SGCZ: variants seen among roughly 807,000 people sequenced by gnomAD.
SGCZ encodes the protein sarcoglycan zeta.
Under a neutral mutation model 41.3 loss-of-function variants are expected in SGCZ, and 40 were observed. The ratio of observed to expected loss-of-function variants is 0.97; its 90% CI spans 0.75 to 1.26. The LOEUF (loss-of-function observed/expected upper bound fraction) is 1.26, where lower values mean the gene tolerates loss of function less well. SGCZ is among the 50% of genes most tolerant of loss of function. The pLI is 0.00. For synonymous variants in SGCZ, 206 were observed against 137.5 expected (o/e 1.50, Z -3.49); for missense variants, 552 against 369.8 (o/e 1.49, Z -4.04).
chr8:14,719,680 T>C (rs376728344), intron 1 of SGCZ, among the ~76,000 whole-genome samples: 23 of 152,014 alleles, frequency 1.5e-4, no homozygotes, highest in African/African-American at 5.1e-4. Context: ...TCATGTCCTT[T>C]GCCCACTTTT....
rs565108894 is a variant in SGCZ at position 14,116,993 on chromosome 8, T to G, written c.548-8758A>C. On this transcript the variant is annotated intron_variant, in intron 5 of 7. Coordinates refer to ENST00000382080, the MANE Select transcript of SGCZ (RefSeq NM_139167.4). ...ATAACGATTAAAATTATCCATAGTT[T>G]ACAGGGAAGTCCAAGCATCTTCAAA... Among the ~76,000 whole-genome samples the G allele has an allele frequency of 8.5e-5, 13 of 152,218 alleles. No individual in the cohort carries two copies. The East Asian group carries it at 2.5e-3, about 29-fold the overall frequency.
At chr8:15,085,355 G>C (rs1805909289) in intron 1 of SGCZ, among the ~76,000 whole-genome samples, 1 of 152,168 alleles carries the variant, frequency 6.6e-6, no homozygotes, top group African/African-American at 2.4e-5. Context: ...GATCAGTAAA[G>C]GTGATCATGT....
intron 1 of SGCZ, among the ~76,000 whole-genome samples, chr8:14,855,060 T>C (rs1438188127): frequency 1.3e-5 from 2 of 151,674 alleles, no homozygotes; most frequent in Non-Finnish European, 2.9e-5. Flanking sequence ...TATTTATTTA[T>C]TTATTTATTT....
intron 1 of SGCZ, among the ~76,000 whole-genome samples, chr8:15,148,465 C>T (rs943153533): frequency 1.3e-5 from 2 of 152,176 alleles, no homozygotes; most frequent in African/African-American, 2.4e-5. Flanking sequence ...AGCATGACTA[C>T]ACTACTCCAT....
At chr8:14,240,339 A>AT (rs1237010971) in intron 3 of SGCZ, among the ~76,000 whole-genome samples, 10 of 149,300 alleles carry the variant, frequency 6.7e-5, no homozygotes, top group African/African-American at 2.5e-4. Flanking sequence ...AAAAAAAAAA[A>AT]AAAAAAAAAA....
intron 1 of SGCZ, among the ~76,000 whole-genome samples, chr8:14,993,734 G>C (rs75077578): frequency 6.6e-6 from 1 of 152,148 alleles, no homozygotes; most frequent in African/African-American, 2.4e-5. Context: ...CCAGACCAGT[G>C]TACCTGGCGC....
At chr8:14,340,260 A>G (rs1022604156) in intron 2 of SGCZ, among the ~76,000 whole-genome samples, 1 of 152,126 alleles carries the variant, frequency 6.6e-6, no homozygotes, top group Admixed American at 6.6e-5. Context: ...ACTTTCAAAA[A>G]GCCAATTTTG....
intron 1 of SGCZ, among the ~76,000 whole-genome samples, chr8:14,832,020 A>T (rs1208663402): frequency 6.6e-6 from 1 of 152,166 alleles, no homozygotes; most frequent in Non-Finnish European, 1.5e-5. Flanking sequence ...ATTGGTAGTT[A>T]TAATCTAGCA....
At chr8:15,159,919 G>T (rs955686285) in intron 1 of SGCZ, among the ~76,000 whole-genome samples, 2 of 151,640 alleles carry the variant, frequency 1.3e-5, no homozygotes, top group African/African-American at 2.4e-5. Context: ...GTGCCAATAG[G>T]CACTTAGGGG....
rs545008188 is a variant in SGCZ at position 15,058,465 on chromosome 8, A to G, written c.39+179120T>C. Reference sequence around the variant, plus strand: ...TCCTCCCTTCAGAAGGAGGACGTGAAGTGTATATTTGTCTGCAGTAATAAA... The same window carrying G: ...TCCTCCCTTCAGAAGGAGGACGTGAGGTGTATATTTGTCTGCAGTAATAAA... On this transcript the variant is annotated intron_variant, in intron 1 of 7. Transcript: ENST00000382080. 8.5e-5 allele frequency among the ~76,000 whole-genome samples: 13 copies of G among 152,324 alleles called. No homozygotes were observed. The East Asian group carries it at 2.3e-3, about 27-fold the overall frequency.
Position 15,189,450 on chromosome 8 carries a change from G to T in SGCZ, c.39+48135C>A, listed in dbSNP as rs543221210. 2.6e-5 allele frequency among the ~76,000 whole-genome samples: 4 copies of T among 152,244 alleles called. No homozygotes were observed. The South Asian group carries it at 8.3e-4, about 32-fold the overall frequency. ...AAGAAAGCTTTCCCTCCAAAAGCTT[G>T]CCTGGTACCCAAATCAAGAGAGCCA... On this transcript the variant is annotated intron_variant, in intron 1 of 7. Transcript: ENST00000382080.
chr8:14,353,105 G>A (rs572108522), intron 2 of SGCZ, among the ~76,000 whole-genome samples: 15 of 151,634 alleles, frequency 9.9e-5, no homozygotes, highest in African/African-American at 3.6e-4. Context: ...TTACACATAC[G>A]ATTTCTATGA....
At chr8:14,976,213 T>C (rs886359979) in intron 1 of SGCZ, among the ~76,000 whole-genome samples, 3 of 151,624 alleles carry the variant, frequency 2.0e-5, no homozygotes, top group Non-Finnish European at 4.4e-5. Context: ...AGTAGACACA[T>C]GGTTTCACCA....
intron 1 of SGCZ, among the ~76,000 whole-genome samples, chr8:15,028,312 T>A (rs1436514663): frequency 6.6e-6 from 1 of 152,112 alleles, no homozygotes; most frequent in Non-Finnish European, 1.5e-5. Context: ...TCTTCTGACG[T>A]CTTTCGAAGT....
chr8:14,895,384 C>A (rs1207842147), intron 1 of SGCZ, among the ~76,000 whole-genome samples: 1 of 152,028 alleles, frequency 6.6e-6, no homozygotes, highest in Non-Finnish European at 1.5e-5. Context: ...ACCTAAGACA[C>A]AATTACCAAT....
At chr8:14,384,768 C>A (rs1277792162) in intron 2 of SGCZ, among the ~76,000 whole-genome samples, 1 of 152,158 alleles carries the variant, frequency 6.6e-6, no homozygotes, top group African/African-American at 2.4e-5. Flanking sequence ...CCGGGCTGGT[C>A]TTGAACTCCT....
At chr8:15,202,779 A>G (rs536358432) in intron 1 of SGCZ, among the ~76,000 whole-genome samples, 1 of 152,260 alleles carries the variant, frequency 6.6e-6, no homozygotes, top group East Asian at 1.9e-4. Context: ...AATTAACAAG[A>G]ACTTAGGCAG....
chr8:14,820,959 G>T (rs1279503245), intron 1 of SGCZ, among the ~76,000 whole-genome samples: 1 of 149,846 alleles, frequency 6.7e-6, no homozygotes, highest in Non-Finnish European at 1.5e-5. Context: ...CTCAAAATTG[G>T]TTGAAGGAAG....
intron 1 of SGCZ, among the ~76,000 whole-genome samples, chr8:15,165,311 T>C (rs1460697366): frequency 6.7e-6 from 1 of 150,192 alleles, no homozygotes; most frequent in African/African-American, 2.5e-5. Context: ...AAAAAAAACC[T>C]CTAATTAATT....
Sources: allele counts gnomAD v4.1 joint callset (sites outside exome capture counted in the v4.1 genomes callset), GRCh38; gene constraint gnomAD v4.1.1; transcripts MANE v1.5; gene names NCBI Gene and HGNC (gene_info 2026-07-23, HGNC 2026-07-21).